The following SYNE2 variants were observed in gnomAD, a reference collection of about 807,000 sequenced individuals.
The protein encoded by SYNE2 is nesprin-2.
A neutral mutation model predicts 856.3 loss-of-function variants in SYNE2; 431 were observed. The ratio of observed to expected loss-of-function variants is 0.50; its 90% CI spans 0.47 to 0.55. The LOEUF is 0.55. SYNE2 is among the 20% of genes least tolerant of loss of function. SYNE2 has a pLI of 0.00. For synonymous variants in SYNE2, 2,923 were observed against 2,872.3 expected, an observed-to-expected ratio of 1.02 and a Z score of -0.56; for missense variants, 8,129 against 8,023.2, an observed-to-expected ratio of 1.01 and a Z score of -0.50.
At chr14:63,943,674 TA>T (rs376605898) in intron 6 of SYNE2, among the ~76,000 whole-genome samples, 68,564 of 145,540 alleles carry the variant, frequency 0.47, 17,146 homozygotes, top group South Asian at 0.56. Context: ...TACTTATTAT[TA>T]TTATTTTTTT....
intron 8 of SYNE2, among the ~76,000 whole-genome samples, chr14:63,959,287 C>CTTTTTTTTT (rs34198434): frequency 1.7e-4 from 14 of 81,376 alleles, no homozygotes; most frequent in East Asian, 3.6e-4. Context: ...TTTTCTTCTT[C>CTTTTTTTTT]TTTTTTTTTT....
rs533379108 is a variant in SYNE2 at position 64,019,852 on chromosome 14, T to C, written c.5050-140T>C. On this transcript the variant is annotated intron_variant, in intron 34 of 115. Transcript: ENST00000555002. ...TGAAGGCACTTGGATTTGTAACTTC[T>C]AGGACTCTGACAAAACACACATGAT... is the stretch of plus-strand genomic sequence containing the variant. 1.8e-5 allele frequency: 12 copies of C among 669,942 alleles called. No individual in the cohort carries two copies. In the South Asian group the frequency reaches 2.2e-4, roughly 12 times the overall value. The allele number at this position is 669,942 out of a possible 1,614,324, so 41.5% of individuals were successfully genotyped here. A position where few individuals can be genotyped will look rare whatever the true frequency, so the allele number is the denominator to read the frequency against.
Position 64,093,478 on chromosome 14 carries a change from C to CAGGTATGTTTCTTTCATTCATAA in SYNE2, c.12108+10_12108+32dup, listed in dbSNP as rs1333520524. ...CCAAGCTGACAAGCTGCCACAACTA[C>CAGGTATGTTTCTTTCATTCATAA]AGGTATGTTTCTTTCATTCATAAAG... On this transcript the variant is annotated stop_gained and frameshift_variant and splice_region_variant, in exon 61 of 116. Transcript: ENST00000555002. LOFTEE classifies it high-confidence loss of function. 4 of 1,614,136 alleles carry CAGGTATGTTTCTTTCATTCATAA rather than the reference C, an allele frequency of 2.5e-6. No individual in the cohort carries two copies. The highest frequency in any genetic ancestry group is 3.3e-4 in the Middle Eastern group (2 of 6,062).
chr14:64,025,234 A>G lies in SYNE2; in HGVS notation c.6065A>G (p.Tyr2022Cys). ...IMEATCLMDR[Y>C]QTLLRQLSEI... is the part of the protein sequence containing the mutation. ...GAAGCAACATGTTTGATGGATAGAT[A>G]CCAGACATTACTGAGACAACTAAGT... Residue 2022 changes from tyrosine (Y) to cysteine (C), a missense_variant, in exon 41 of 116, where the codon TAC (tyrosine) becomes TGC (cysteine). Tyr to Cys is a radical substitution (Grantham distance 194). This residue lies in a region of SYNE2 where 2,422 missense variants were observed against 2,357.4 expected (regional missense o/e 1.03). Coordinates refer to ENST00000555002, the MANE Select transcript of SYNE2 (RefSeq NM_182914.3). The G allele has an allele frequency of 6.2e-7, 1 of 1,614,134 alleles. No individual in the cohort carries two copies. Among genetic ancestry groups the G allele is most frequent in the African/African-American group, 1.3e-5 (1 of 75,068 alleles).
Position 64,087,701 on chromosome 14 carries a change from A to G in SYNE2, c.11515A>G (p.Asn3839Asp). The G allele has an allele frequency of 6.2e-7, 1 of 1,614,162 alleles. No individual in the cohort carries two copies. The highest frequency in any genetic ancestry group is 8.5e-7 in the Non-Finnish European group (1 of 1,180,006). Residue 3839 changes from asparagine (N) to aspartate (D), a missense_variant, in exon 58 of 116, where the codon AAT becomes GAT. Coordinates refer to ENST00000555002, the MANE Select transcript of SYNE2 (RefSeq NM_182914.3). Reference sequence around the variant, plus strand: ...TTTGGAAGATTCAGAACAGAAGCACAATCTTTTACATTCAATCTTTATGGA... The same window carrying G: ...TTTGGAAGATTCAGAACAGAAGCACGATCTTTTACATTCAATCTTTATGGA... ...MALEDSEQKH[N>D]LLHSIFMDLE...
rs79069469 is a variant in SYNE2 at position 63,838,815 on chromosome 14, G to A, written c.-304-13686G>A. Reference sequence around the variant, plus strand: ...TGAGCCACCAGGTTTCCTAGCCTACGTGTACATTTTGCAAATGCTCTAGCT... The same window carrying A: ...TGAGCCACCAGGTTTCCTAGCCTACATGTACATTTTGCAAATGCTCTAGCT... On this transcript the variant is annotated intron_variant, in intron 1 of 23. Transcript: ENST00000674003. Among the ~76,000 whole-genome samples, 866 of 151,590 alleles carry A rather than the reference G, an allele frequency of 5.7e-3. 5 individuals are homozygous for A. The highest frequency in any genetic ancestry group is 0.019 in the African/African-American group (799 of 41,344).
intron 84 of SYNE2, among the ~76,000 whole-genome samples, chr14:64,149,394 A>AG (rs1390343346): frequency 1.3e-5 from 2 of 152,232 alleles, no homozygotes; most frequent in African/African-American, 4.8e-5. Context: ...GCTTCAGTTC[A>AG]GGTAAGCTTG....
intron 94 of SYNE2, among the ~76,000 whole-genome samples, chr14:64,173,397 G>A (rs1053764469): frequency 6.6e-5 from 10 of 152,156 alleles, no homozygotes; most frequent in African/African-American, 2.4e-4. Context: ...CTGTGGTCCA[G>A]TTGCTGTTTC....
At chr14:63,871,968 G>A (rs1047980255) in intron 1 of SYNE2, among the ~76,000 whole-genome samples, 13 of 152,116 alleles carry the variant, frequency 8.5e-5, no homozygotes, top group African/African-American at 3.1e-4. Flanking sequence ...GGAAGCTGCT[G>A]TACTGAATTT....
intron 1 of SYNE2, among the ~76,000 whole-genome samples, chr14:63,896,664 C>G (rs1180033286): frequency 6.6e-6 from 1 of 152,174 alleles, no homozygotes; most frequent in Non-Finnish European, 1.5e-5. Context: ...GCCGAGTGGT[C>G]AGTGGAGAAG....
At chr14:63,899,503 T>G (rs2095306986) in intron 1 of SYNE2, among the ~76,000 whole-genome samples, 1 of 150,768 alleles carries the variant, frequency 6.6e-6, no homozygotes, top group South Asian at 2.1e-4. Context: ...TGCCTGGCCC[T>G]GTTTGTTAGT....
intron 1 of SYNE2, among the ~76,000 whole-genome samples, chr14:63,783,102 C>T (rs1887373907): frequency 6.6e-6 from 1 of 152,106 alleles, no homozygotes; most frequent in Admixed American, 6.6e-5. Flanking sequence ...CCATAATCCT[C>T]TTGTGTCAAG....
At chr14:64,136,662 T>C (rs530007111) in intron 78 of SYNE2, among the ~76,000 whole-genome samples, 15 of 152,318 alleles carry the variant, frequency 9.8e-5, no homozygotes, top group African/African-American at 3.6e-4. Context: ...TTCCGTGAAG[T>C]TGGATTAATG....
At chr14:63,782,467 C>CA (rs35413633) in intron 1 of SYNE2, among the ~76,000 whole-genome samples, 30,286 of 50,654 alleles carry the variant, frequency 0.6, 8,042 homozygotes, top group South Asian at 0.73. Context: ...AACTCCATCT[C>CA]AAAAAAAAAA....
rs2098716633 is a variant in SYNE2 at position 64,225,909 on chromosome 14, G to A, written c.*383G>A. ...CATCACATATATTATAGAAGCAAGC[G>A]AGGACATTCCACCCTAGAAATGGTT... On this transcript the variant is annotated 3_prime_UTR_variant, in exon 116 of 116. Coordinates refer to ENST00000555002, the MANE Select transcript of SYNE2 (RefSeq NM_182914.3). 2.0e-5 allele frequency: 9 copies of A among 455,384 alleles called. No individual in the cohort carries two copies. Among genetic ancestry groups the A allele is most frequent in the South Asian group, 1.4e-4 (4 of 27,972 alleles). The allele number at this position is 455,384 out of a possible 1,614,324, so 28.2% of individuals were successfully genotyped here. A position where few individuals can be genotyped will look rare whatever the true frequency, so the allele number is the denominator to read the frequency against.
At chr14:64,038,550 C>A (rs2097121379) in intron 45 of SYNE2, among the ~76,000 whole-genome samples, 2 of 152,214 alleles carry the variant, frequency 1.3e-5, no homozygotes, top group Non-Finnish European at 2.9e-5. Flanking sequence ...AGCCTGGGCA[C>A]CATTGAGCAC....
Position 63,841,832 on chromosome 14 carries a change from CTTTT to C in SYNE2, c.-304-10654_-304-10651del, listed in dbSNP as rs34947861. Reference sequence around the variant, plus strand: ...CATTTTTCTTTTTCTTTCTTTCTTTCTTTTTTTTTTTTTTTTTTGAGACATTGTC... The same window carrying C: ...CATTTTTCTTTTTCTTTCTTTCTTTCTTTTTTTTTTTTTTGAGACATTGTC... On this transcript the variant is annotated intron_variant, in intron 1 of 23. Transcript: ENST00000674003. Among the ~76,000 whole-genome samples the C allele has an allele frequency of 4.3e-5, 5 of 115,080 alleles. 1 individual carries two copies. In the South Asian group the frequency reaches 1.1e-3, roughly 26 times the overall value. 75.5% of individuals were successfully genotyped at this position (115,080 alleles called of 152,430 possible).
chr14:64,075,766 C>T (rs2153605756), intron 53 of SYNE2, 179 bp from the exon 54 acceptor site: 1 of 614,824 alleles, frequency 1.6e-6, no homozygotes, highest in Non-Finnish European at 2.9e-6. Context: ...AATTAGAAAG[C>T]ATCATCTGAC....
At chr14:63,948,790 A>ATGTATATGTGTGTGTG (rs1566884745) in intron 6 of SYNE2, among the ~76,000 whole-genome samples, 1 of 74,014 alleles carries the variant, frequency 1.4e-5, no homozygotes, top group Non-Finnish European at 2.5e-5. Context: ...GTGTATATAT[A>ATGTATATGTGTGTGTG]TATATATATA....
Sources: gnomAD v4.1 joint callset for allele counts (sites outside exome capture counted in the v4.1 genomes callset) on GRCh38, gnomAD v4.1.1 for gene constraint, gnomAD v4.1.1 regional missense constraint, MANE v1.5 for transcripts, NCBI Gene and HGNC (gene_info 2026-07-23, HGNC 2026-07-21) for gene names.